DNAH8: variants seen among roughly 807,000 people sequenced by gnomAD.
The protein encoded by DNAH8 is axonemal beta dynein heavy chain 8.
A neutral mutation model predicts 562.1 loss-of-function variants in DNAH8; 382 were observed. That is an observed-to-expected ratio of 0.68 (90% confidence interval 0.63 to 0.74). The LOEUF (loss-of-function observed/expected upper bound fraction) is 0.74. Ranked by LOEUF, DNAH8 falls within the 30% of genes least tolerant of loss-of-function variation. The pLI is 0.00. For missense variants in DNAH8, 5,203 were observed against 5,620.4 expected, an observed-to-expected ratio of 0.93 and a Z score of 2.37; for synonymous variants, 1,881 against 1,919.4, an observed-to-expected ratio of 0.98 and a Z score of 0.52.
intron 10 of DNAH8, among the ~76,000 whole-genome samples, chr6:38,759,520 C>T (rs1766289198): frequency 1.3e-5 from 2 of 152,192 alleles, no homozygotes; most frequent in South Asian, 4.1e-4. Flanking sequence ...CTGTCTCTCT[C>T]ATTCTTGCCA....
In DNAH8 at chr6:38,807,657, T is replaced by C. The variant is rs1189760599; in HGVS notation, c.3198T>C (p.Ser1066=). ...FAFFSHQLLD[S]LQKATRLSLD... ...TTTTCTCTCATCAATTACTAGACAG[T>C]CTTCAAAAAGCTACACGGTTATCTC... Residue 1066 remains serine (S), a synonymous_variant, in exon 24 of 93, where the codon AGT becomes AGC. Transcript: ENST00000327475. 6.4e-7 allele frequency: 1 copy of C among 1,567,648 alleles called. No individual in the cohort carries two copies. The highest frequency in any genetic ancestry group is 1.4e-5 in the African/African-American group (1 of 73,110).
chr6:38,984,906 G>GCCCAGGGCCTCTCCC (rs1252636879), intron 87 of DNAH8, among the ~76,000 whole-genome samples: 1 of 152,152 alleles, frequency 6.6e-6, no homozygotes, highest in African/African-American at 2.4e-5. Context: ...AACTGCTTGT[G>GCCCAGGGCCTCTCCC]CCCAGGGCCT....
chr6:39,024,991 A>G (rs1396902871), intron 91 of DNAH8, among the ~76,000 whole-genome samples: 1 of 152,240 alleles, frequency 6.6e-6, no homozygotes, highest in East Asian at 1.9e-4. Flanking sequence ...TAAATGTGTC[A>G]AGATGCAAAT....
Position 38,924,034 on chromosome 6 carries a change from C to T in DNAH8, c.10834C>T (p.Leu3612Phe). ...ILLCTGFLSY[L>F]GPFNQIFRNY... ...GCTGTGCACGGGATTCCTTTCCTAC[C>T]TTGGTCCTTTCAATCAGATATTTAG... The change falls in exon 73 of 93, where the codon CTT (leucine) becomes TTT (phenylalanine). Residue 3612 changes from leucine (L) to phenylalanine (F), a missense_variant. Around this residue, in one of 6 missense-constraint regions of DNAH8, gnomAD observed 1,399 missense variants for 1,518.4 expected, o/e 0.92. Coordinates refer to ENST00000327475, the MANE Select transcript of DNAH8 (RefSeq NM_001206927.2). 6.2e-7 allele frequency: 1 copy of T among 1,613,984 alleles called. No homozygotes were observed. The highest frequency in any genetic ancestry group is 8.5e-7 in the Non-Finnish European group (1 of 1,179,914).
At chr6:38,929,763 G>C (rs923834824) in intron 75 of DNAH8, 97 bp downstream of exon 75, 40 of 1,153,366 alleles carry the variant, frequency 3.5e-5, no homozygotes, top group Non-Finnish European at 4.5e-5. Context: ...AAGAACAATG[G>C]TGACATCTAC....
intron 82 of DNAH8, among the ~76,000 whole-genome samples, chr6:38,960,741 G>A (rs1003123787): frequency 6.6e-6 from 1 of 152,102 alleles, no homozygotes; most frequent in African/African-American, 2.4e-5. Flanking sequence ...ACTGCTCTAT[G>A]ATTCAGCAGT....
chr6:38,826,208 C>T lies in DNAH8; in HGVS notation c.3900C>T (p.Leu1300=). The T allele has an allele frequency of 6.2e-7, 1 of 1,613,238 alleles. No homozygotes were observed. The highest frequency in any genetic ancestry group is 8.5e-7 in the Non-Finnish European group (1 of 1,179,654). Residue 1300 remains leucine (L), a synonymous_variant, in exon 29 of 93, where the codon CTC becomes CTT. Coordinates refer to ENST00000327475, the MANE Select transcript of DNAH8 (RefSeq NM_001206927.2). The part of the protein sequence containing the change: ...SIEAKAWKML[L]CRYLNEEYKK... ...AGGCCAAGGCATGGAAGATGTTACTCTGTCGATATCTGAATGAAGAATACA... is the reference window on the plus strand; with the variant it reads ...AGGCCAAGGCATGGAAGATGTTACTTTGTCGATATCTGAATGAAGAATACA...
In DNAH8 at chr6:38,722,949, T is replaced by C. The variant is rs1205175846; in HGVS notation, c.140T>C (p.Phe47Ser). The change falls in exon 2 of 93, where the codon TTC (phenylalanine) becomes TCC (serine). Residue 47 changes from phenylalanine (F) to serine (S), a missense_variant. Coordinates refer to ENST00000327475, the MANE Select transcript of DNAH8 (RefSeq NM_001206927.2). ...GTGGAGGCCCCGGCAGAAGATGGTT[T>C]CTCTCCTTCCGCAGAAGATGCTGTT... ...PTVEAPAEDG[F>S]SPSAEDAVSS... 3 of 1,612,654 alleles carry C rather than the reference T, an allele frequency of 1.9e-6. No individual in the cohort carries two copies. Among genetic ancestry groups the C allele is most frequent in the Non-Finnish European group, 2.5e-6 (3 of 1,179,828 alleles).
chr6:38,828,219 A>G lies in DNAH8; in HGVS notation c.4119A>G (p.Glu1373=), dbSNP rs368262519. ...CTATTTTAAACAGATTTGAAGTTGA[A>G]GTAACCAAAGAAGAATCAGAAGCAG... ...AYAILNRFEV[E]VTKEESEAVD... is the part of the protein sequence containing the mutation. The change falls in exon 30 of 93, where the codon GAA becomes GAG. Residue 1373 remains glutamate, a synonymous_variant. Transcript: ENST00000327475. 5 of 1,596,768 alleles carry G rather than the reference A, an allele frequency of 3.1e-6. No homozygotes were observed. In the East Asian group the frequency reaches 6.8e-5, roughly 22 times the overall value.
chr6:38,921,627 C>T lies in DNAH8; in HGVS notation c.10662+121C>T, dbSNP rs112601902. On this transcript the variant is annotated intron_variant, in intron 71 of 92. Transcript: ENST00000327475. ...AAATATTGGCCAGCATGCCTATCTG[C>T]TTTGGATCTTTGGTGCTCAAAATTA... 4.4e-3 allele frequency: 4,610 copies of T among 1,056,592 alleles called. 64 individuals carry two copies. The highest frequency in any genetic ancestry group is 0.038 in the African/African-American group (2,345 of 61,800). 65.5% of individuals were successfully genotyped at this position (1,056,592 alleles called of 1,614,324 possible).
chr6:39,008,814 G>A lies in DNAH8; in HGVS notation c.13215G>A (p.Thr4405=). 6.3e-7 allele frequency: 1 copy of A among 1,588,264 alleles called. No individual in the cohort carries two copies. The highest frequency in any genetic ancestry group is 1.1e-5 in the South Asian group (1 of 89,590). The change falls in exon 89 of 93, where the codon ACG becomes ACA. Residue 4405 remains threonine, a splice_region_variant and synonymous_variant. Coordinates refer to ENST00000327475, the MANE Select transcript of DNAH8 (RefSeq NM_001206927.2). ...CTGAACAGCTCACTCTTTTTACTAGGTATCAGAGTAACACTGCTTCTGCTG... is the reference window on the plus strand; with the variant it reads ...CTGAACAGCTCACTCTTTTTACTAGATATCAGAGTAACACTGCTTCTGCTG... ...VFGLHPNADI[T]YQSNTASAVL...
At position 38,818,537 on chromosome 6, in the gene DNAH8, C is replaced by CAA. The variant is rs70981590; in HGVS notation, c.3523+2895_3523+2896dup. On this transcript the variant is annotated intron_variant, in intron 26 of 92. Coordinates refer to ENST00000327475, the MANE Select transcript of DNAH8 (RefSeq NM_001206927.2). ...CAAAATAAGAAAGCAAAAGCAAAAG[C>CAA]AAAAAAAAAAAAAAAAGAAGATATG... Among the ~76,000 whole-genome samples, 66 of 75,850 alleles carry CAA rather than the reference C, an allele frequency of 8.7e-4. 3 individuals are homozygous for CAA. The highest frequency in any genetic ancestry group is 2.9e-3 in the East Asian group (6 of 2,046). 49.8% of individuals were successfully genotyped at this position (75,850 alleles called of 152,430 possible).
At chr6:38,950,189 CGTGTGTGTGTGTGT>C (rs10546857) in intron 81 of DNAH8, among the ~76,000 whole-genome samples, 3 of 144,018 alleles carry the variant, frequency 2.1e-5, no homozygotes, top group Non-Finnish European at 3.1e-5. Context: ...TGTGTGTCTG[CGTGTGTGTGTGTGT>C]GTGTGTGTGT....
intron 68 of DNAH8, 107 bp downstream of exon 68, chr6:38,915,484 G>T: frequency 1.1e-6 from 1 of 948,834 alleles, no homozygotes; most frequent in Non-Finnish European, 1.4e-6. Flanking sequence ...TAATGTGATT[G>T]ATAATCTCTG....
chr6:38,723,080 C>T lies in DNAH8; in HGVS notation c.271C>T (p.Arg91Ter). The T allele has an allele frequency of 6.2e-6, 10 of 1,612,880 alleles. No individual in the cohort carries two copies. Among genetic ancestry groups the T allele is most frequent in the South Asian group, 1.1e-5 (1 of 91,078 alleles). The change falls in exon 2 of 93, where the codon CGA becomes TGA. Residue 91 changes from arginine to a stop codon, truncating the protein, a stop_gained. Coordinates refer to ENST00000327475, the MANE Select transcript of DNAH8 (RefSeq NM_001206927.2). LOFTEE classifies it high-confidence loss of function. ...TAGAGTTCGACAGAGGCTTGCACCG[C>T]GACCGGTTCAGTCAGTGATTTCGGA... ...LNRVRQRLAPRPVQSVISEVL... is the reference protein window; with the variant it reads ...LNRVRQRLAP
At chr6:38,883,516 A>G in intron 55 of DNAH8, 60 bp downstream of exon 55, 1 of 1,496,216 alleles carries the variant, frequency 6.7e-7, no homozygotes, top group Non-Finnish European at 9.1e-7. Context: ...TAGTGGTTAC[A>G]ATAAAATGTG....
chr6:38,851,630 C>A lies in DNAH8; in HGVS notation c.5422C>A (p.Leu1808Ile). 1 of 1,611,952 alleles carries A rather than the reference C, an allele frequency of 6.2e-7. No homozygotes were observed. The highest frequency in any genetic ancestry group is 8.5e-7 in the Non-Finnish European group (1 of 1,179,232). ...ATTCTTCTTTGTATCTGATCCAGTTCTCCTGGAAATTCTTGGACAAGCCAG... is the reference window on the plus strand; with the variant it reads ...ATTCTTCTTTGTATCTGATCCAGTTATCCTGGAAATTCTTGGACAAGCCAG... ...PRFFFVSDPV[L>I]LEILGQASDS... Residue 1808 changes from leucine to isoleucine, a missense_variant, in exon 39 of 93, where the codon CTC becomes ATC. Leu to Ile is a conservative substitution (Grantham distance 5). Around this residue, in one of 6 missense-constraint regions of DNAH8, gnomAD observed 2,176 missense variants for 2,365.1 expected, o/e 0.92. Coordinates refer to ENST00000327475, the MANE Select transcript of DNAH8 (RefSeq NM_001206927.2).
In DNAH8 at chr6:38,929,505, GT is replaced by G. The variant is rs757577568; in HGVS notation, c.11119-3del. 9 of 1,606,810 alleles carry G rather than the reference GT, an allele frequency of 5.6e-6. No homozygotes were observed. The highest frequency in any genetic ancestry group is 1.3e-5 in the African/African-American group (1 of 74,602). Reference sequence around the variant, plus strand: ...ACAGATAGACCAATGAGTTCTTTCTGTTTAGGTGACATCTCTGAACCATAAA... The same window carrying G: ...ACAGATAGACCAATGAGTTCTTTCTGTTAGGTGACATCTCTGAACCATAAA... On this transcript the variant is annotated splice_polypyrimidine_tract_variant and splice_region_variant and intron_variant, in intron 74 of 92. Transcript: ENST00000327475.
chr6:38,722,798 G>A lies in DNAH8; in HGVS notation c.-12G>A, dbSNP rs746781161. On this transcript the variant is annotated 5_prime_UTR_variant, in exon 2 of 93. Coordinates refer to ENST00000327475, the MANE Select transcript of DNAH8 (RefSeq NM_001206927.2). ...TAGGTTTCGAAGTATAAAGCATTCC[G>A]CACGACGGGGGATGGAGAAGGATGC... is the stretch of plus-strand genomic sequence containing the variant. 57 of 1,566,860 alleles carry A rather than the reference G, an allele frequency of 3.6e-5. No homozygotes were observed. Among genetic ancestry groups the A allele is most frequent in the Non-Finnish European group, 8.6e-7 (1 of 1,159,276 alleles).
Sources: gnomAD v4.1 joint callset for allele counts (sites outside exome capture counted in the v4.1 genomes callset) on GRCh38, gnomAD v4.1.1 for gene constraint, gnomAD v4.1.1 regional missense constraint, MANE v1.5 for transcripts, NCBI Gene and HGNC (gene_info 2026-07-23, HGNC 2026-07-21) for gene names.